DMD: variants seen among roughly 807,000 people sequenced by gnomAD.
The protein encoded by DMD is mutant dystrophin.
Under a neutral mutation model 330.1 loss-of-function variants are expected in DMD, and 63 were observed. That is an observed-to-expected ratio of 0.19 (90% confidence interval 0.16 to 0.24). The LOEUF is 0.24. DMD is among the 10% of genes least tolerant of loss of function. DMD has a pLI of 1.00. For missense variants in DMD, 3,344 were observed against 2,684.1 expected (o/e 1.25, Z -5.43); for synonymous variants, 1,223 against 959.8 (o/e 1.27, Z -5.07).
chrX:32,847,784 TA>T (rs907714010), intron 3 of DMD, among the ~76,000 whole-genome samples: 14 of 112,462 alleles, frequency 1.2e-4, no homozygotes, highest in African/African-American at 4.5e-4. Flanking sequence ...TTTTGTTTGA[TA>T]TTTTTTTCTT....
At chrX:32,762,159 A>G (rs1261097124) in intron 7 of DMD, among the ~76,000 whole-genome samples, 1 of 102,114 alleles carries the variant, frequency 9.8e-6, no homozygotes, top group Non-Finnish European at 2.0e-5. Context: ...TCAAAAAAAG[A>G]AAAAAAAAGA....
chrX:31,300,936 C>G (rs60387798), intron 62 of DMD, among the ~76,000 whole-genome samples: 1,556 of 111,927 alleles, frequency 0.014, 25 homozygotes, highest in African/African-American at 0.048. Context: ...TTCATCAGTC[C>G]ATCAGAGAAA....
intron 33 of DMD, 76 bp from the exon 34 acceptor site, chrX:32,380,756 T>C (rs1042895191): frequency 6.0e-6 from 5 of 827,021 alleles, no homozygotes; most frequent in Non-Finnish European, 8.8e-6. Flanking sequence ...TATTTGGAAC[T>C]TTTATATTTC....
At chrX:33,160,677 G>A in intron 1 of DMD, among the ~76,000 whole-genome samples, 1 of 111,953 alleles carries the variant, frequency 8.9e-6, no homozygotes, top group Admixed American at 9.5e-5. Flanking sequence ...CATTAAATAT[G>A]ATACCAATAT....
At chrX:32,398,625 T>C (rs759812906) in intron 30 of DMD, among the ~76,000 whole-genome samples, 2 of 111,663 alleles carry the variant, frequency 1.8e-5, no homozygotes, top group Admixed American at 9.6e-5. Context: ...TTACTTGTAA[T>C]ATACCTGAGA....
At chrX:32,281,803 TTCTC>T (rs1280437423) in intron 43 of DMD, among the ~76,000 whole-genome samples, 6 of 112,045 alleles carry the variant, frequency 5.4e-5, no homozygotes, top group Non-Finnish European at 1.1e-4. Flanking sequence ...TTATACTTCT[TTCTC>T]TAATTTTTTT....
rs1458555361 is a variant in DMD, at chrX:33,030,290, T to C, written c.32-10090A>G. On this transcript the variant is annotated intron_variant, in intron 1 of 78. Coordinates refer to ENST00000357033, the MANE Select transcript of DMD (RefSeq NM_004006.3). ...ATGTTAATAATTAGTAGGATTTTTA[T>C]AGTATTTGTAAATATGCAAAAAATT... Among the ~76,000 whole-genome samples the C allele has an allele frequency of 3.6e-5, 4 of 111,968 alleles. No homozygotes were observed. In the East Asian group the frequency reaches 1.1e-3, roughly 31 times the overall value.
intron 22 of DMD, among the ~76,000 whole-genome samples, chrX:32,470,556 T>C (rs1327240998): frequency 9.0e-6 from 1 of 111,443 alleles, no homozygotes; most frequent in Non-Finnish European, 1.9e-5. Flanking sequence ...CTCATCTAAC[T>C]GCCTTTTCTT....
At chrX:33,067,686 C>CA (rs139682223) in intron 1 of DMD, among the ~76,000 whole-genome samples, 8 of 108,871 alleles carry the variant, frequency 7.3e-5, no homozygotes, top group East Asian at 2.9e-4. Context: ...ACTAAAAATA[C>CA]AAAAAAAAAT....
intron 55 of DMD, among the ~76,000 whole-genome samples, chrX:31,576,759 G>GA (rs1556701826): frequency 1.9e-5 from 2 of 103,656 alleles, no homozygotes; most frequent in African/African-American, 6.8e-5. Flanking sequence ...ATATGAGGTT[G>GA]TTTTTTTTTG....
rs867197764 is a variant in DMD, at chrX:31,774,003, A to G, written c.7499T>C (p.Val2500Ala). 2 of 1,207,303 alleles carry G rather than the reference A, an allele frequency of 1.7e-6. No individual in the cohort carries two copies. The highest frequency in any genetic ancestry group is 1.8e-5 in the African/African-American group (1 of 56,379). Residue 2500 changes from valine (V) to alanine (A), a missense_variant, in exon 51 of 79, where the codon GTG becomes GCG. By Grantham distance (64) the Val-to-Ala change is moderately conservative. Transcript: ENST00000357033. Reference sequence around the variant, plus strand: ...CTCGTTGATATCCTCAAGGTCACCCACCATCACCCTCTGTGATTTTATAAC... The same window carrying G: ...CTCGTTGATATCCTCAAGGTCACCCGCCATCACCCTCTGTGATTTTATAAC... Reference protein sequence around the residue: ...DQVIKSQRVMVGDLEDINEMI... With the variant: ...DQVIKSQRVMAGDLEDINEMI...
intron 45 of DMD, among the ~76,000 whole-genome samples, chrX:31,935,895 A>G (rs1246938368): frequency 1.8e-5 from 2 of 111,249 alleles, no homozygotes; most frequent in East Asian, 5.7e-4. Flanking sequence ...CTCTTTTCAA[A>G]TATGTCTCAA....
chrX:33,299,771 A>G (rs914996359), intron 1 of DMD, among the ~76,000 whole-genome samples: 19 of 111,656 alleles, frequency 1.7e-4, no homozygotes, highest in African/African-American at 6.2e-4. Flanking sequence ...CCTCCATGCC[A>G]TTTTTACAAT....
At chrX:31,328,625 T>A (rs180933196) in intron 61 of DMD, among the ~76,000 whole-genome samples, 1 of 111,445 alleles carries the variant, frequency 9.0e-6, no homozygotes, top group East Asian at 2.8e-4. Flanking sequence ...GACTCCCCTA[T>A]CACTTCATGA....
intron 2 of DMD, among the ~76,000 whole-genome samples, chrX:32,856,431 G>A (rs147591188): frequency 0.027 from 3,050 of 111,459 alleles, 113 homozygotes; most frequent in African/African-American, 0.095. Context: ...ACAAATGAAT[G>A]GATAAAGAAA....
chrX:31,861,638 C>CAGTGTGTGTGTGTG (rs375434031), intron 48 of DMD, among the ~76,000 whole-genome samples: 2 of 83,107 alleles, frequency 2.4e-5, no homozygotes, highest in Admixed American at 2.7e-4. Flanking sequence ...AAATAATCAC[C>CAGTGTGTGTGTGTG]TGTGTGTGTG....
intron 59 of DMD, among the ~76,000 whole-genome samples, chrX:31,477,465 G>C (rs1229210491): frequency 3.6e-5 from 4 of 111,698 alleles, no homozygotes; most frequent in Non-Finnish European, 7.5e-5. Context: ...ATTTCAAAAT[G>C]ATACTCCTAA....
chrX:31,765,518 TA>T (rs1227580169), intron 51 of DMD, among the ~76,000 whole-genome samples: 6 of 111,904 alleles, frequency 5.4e-5, no homozygotes, highest in African/African-American at 1.6e-4. Context: ...AGACAGTCAA[TA>T]TATTTCTAAA....
At chrX:33,243,053 T>C (rs1158395615) in intron 1 of DMD, among the ~76,000 whole-genome samples, 1 of 112,054 alleles carries the variant, frequency 8.9e-6, no homozygotes, top group Non-Finnish European at 1.9e-5. Context: ...GTGTTGTCTG[T>C]TTGTTTACTC....
Sources: allele counts gnomAD v4.1 joint callset (sites outside exome capture counted in the v4.1 genomes callset), GRCh38; gene constraint gnomAD v4.1.1; transcripts MANE v1.5; gene names NCBI Gene and HGNC (gene_info 2026-07-23, HGNC 2026-07-21).